EPG5: variants seen among roughly 807,000 people sequenced by gnomAD.
The protein encoded by EPG5 is ectopic P granules protein 5 homolog.
Under a neutral mutation model 302.7 loss-of-function variants are expected in EPG5, and 159 were observed. The ratio of observed to expected loss-of-function variants is 0.53; its 90% confidence interval spans 0.46 to 0.60. The LOEUF (loss-of-function observed/expected upper bound fraction) is 0.60, where lower values mean the gene tolerates loss of function less well. EPG5 is among the 20% of genes least tolerant of loss of function. The pLI, the probability that EPG5 is intolerant of heterozygous loss-of-function variation, is 0.00. For synonymous variants in EPG5, 1,158 were observed against 1,136.8 expected, an observed-to-expected ratio of 1.02 and a Z score of -0.37; for missense variants, 2,896 against 3,092.4, an observed-to-expected ratio of 0.94 and a Z score of 1.51.
intron 1 of EPG5, among the ~76,000 whole-genome samples, chr18:45,961,656 T>A (rs1329839139): frequency 2.0e-5 from 3 of 151,888 alleles, no homozygotes; most frequent in Non-Finnish European, 4.4e-5. Flanking sequence ...AGGTCAGGAG[T>A]TCGAGACCAG....
intron 22 of EPG5, among the ~76,000 whole-genome samples, chr18:45,911,064 T>TATCG (rs1341593976): frequency 6.9e-6 from 1 of 145,152 alleles, no homozygotes. Context: ...TCTATCTATC[T>TATCG]ATCTATCTAT....
At chr18:45,902,298 T>C (rs1447345534) in intron 25 of EPG5, among the ~76,000 whole-genome samples, 2 of 152,202 alleles carry the variant, frequency 1.3e-5, no homozygotes, top group East Asian at 1.9e-4. Context: ...TTAGTGTTTT[T>C]CCACTAGAAC....
the EPG5 span, among the ~76,000 whole-genome samples, chr18:45,824,906 G>A: frequency 6.6e-6 from 1 of 151,964 alleles, no homozygotes; most frequent in Non-Finnish European, 1.5e-5. Context: ...GGGACTCGCA[G>A]CTGATTGGAC....
chr18:45,845,273 T>C (rs796900523), downstream of EPG5, among the ~76,000 whole-genome samples: 56 of 152,328 alleles, frequency 3.7e-4, no homozygotes, highest in African/African-American at 1.3e-3. Flanking sequence ...CAGAGAGACA[T>C]GCCTCTGTTG....
At chr18:45,943,452 CA>C (rs1432474700) in intron 8 of EPG5, 141 bp from the exon 9 acceptor site, 5 of 690,108 alleles carry the variant, frequency 7.2e-6, no homozygotes, top group Non-Finnish European at 7.2e-6. Flanking sequence ...GCTCCCATAT[CA>C]ACATGAAATG....
intron 32 of EPG5, among the ~76,000 whole-genome samples, chr18:45,879,524 T>G (rs1043518903): frequency 6.6e-6 from 1 of 152,112 alleles, no homozygotes; most frequent in Non-Finnish European, 1.5e-5. Context: ...TGCACCACCA[T>G]GCCCAGCTCA....
chr18:45,955,415 A>C (rs2051005964), intron 1 of EPG5, 77 bp from the exon 2 acceptor site: 1 of 1,047,566 alleles, frequency 9.5e-7, no homozygotes, highest in Admixed American at 3.2e-5. Flanking sequence ...TTAAAGTTGC[A>C]CATAAAATCT....
chr18:45,835,916 G>C, the EPG5 span, among the ~76,000 whole-genome samples: 1 of 152,220 alleles, frequency 6.6e-6, no homozygotes, highest in African/African-American at 2.4e-5. Context: ...CCAGAAAAGA[G>C]AAGGCTCAAT....
At position 45,939,771 on chromosome 18, in the gene EPG5, G is replaced by T; in HGVS notation, c.1944-16C>A. The T allele has an allele frequency of 6.2e-7, 1 of 1,610,312 alleles. No homozygotes were observed. The highest frequency in any genetic ancestry group is 8.5e-7 in the Non-Finnish European group (1 of 1,178,280). ...AAGAGTCATCCTGAGCATGAGGAAA[G>T]ATAATACAGTACTTTTCATTAGCTC... On this transcript the variant is annotated splice_polypyrimidine_tract_variant and intron_variant, in intron 9 of 43. Coordinates refer to ENST00000282041, the MANE Select transcript of EPG5 (RefSeq NM_020964.3).
chr18:45,932,898 C>A (rs1448103143), intron 11 of EPG5, among the ~76,000 whole-genome samples: 3 of 152,128 alleles, frequency 2.0e-5, no homozygotes, highest in Non-Finnish European at 4.4e-5. Context: ...GCTGGTACTG[C>A]CACTTCAGGG....
chr18:45,924,605 A>C (rs1176467334), intron 14 of EPG5, among the ~76,000 whole-genome samples: 1 of 152,250 alleles, frequency 6.6e-6, no homozygotes, highest in Non-Finnish European at 1.5e-5. Context: ...GCCTATGGTA[A>C]AGAGGCAGAG....
chr18:45,959,280 G>T (rs1257777409), intron 1 of EPG5, among the ~76,000 whole-genome samples: 1 of 151,956 alleles, frequency 6.6e-6, no homozygotes, highest in African/African-American at 2.4e-5. Context: ...GGCGGAGGTT[G>T]CAGTGAGCCG....
chr18:45,911,122 T>TAC (rs1568146143), intron 22 of EPG5, among the ~76,000 whole-genome samples: 119 of 150,720 alleles, frequency 7.9e-4, no homozygotes, highest in African/African-American at 2.8e-3. Context: ...TATATATATA[T>TAC]ATATACATTT....
At chr18:45,930,565 G>T in intron 12 of EPG5, 111 bp downstream of exon 12, 1 of 799,438 alleles carries the variant, frequency 1.3e-6, no homozygotes, top group Non-Finnish European at 1.9e-6. Context: ...CTGAAGTGTA[G>T]ACAGTAGCTA....
rs1170098407 is a variant in EPG5 at position 45,867,001 on chromosome 18, G to A, written c.6418C>T (p.Pro2140Ser). ...EVQLVDQTDS[P>S]LLSLLGQTSS... ...GTCTGTCCAAGGAGACTAAGTAAAG[G>A]TGAATCCTAAAAATAAAACACATAT... Residue 2140 changes from proline (P) to serine (S), a missense_variant, in exon 38 of 44, where the codon CCT becomes TCT. This residue lies in a region of EPG5 where 620 missense variants were observed against 704.2 expected (regional missense o/e 0.88). Transcript: ENST00000282041. The A allele has an allele frequency of 6.2e-7, 1 of 1,613,308 alleles. No homozygotes were observed. Among genetic ancestry groups the A allele is most frequent in the Non-Finnish European group, 8.5e-7 (1 of 1,179,364 alleles).
At chr18:45,805,371 T>C in the EPG5 span, among the ~76,000 whole-genome samples, 2 of 151,018 alleles carry the variant, frequency 1.3e-5, no homozygotes, top group South Asian at 4.2e-4. Flanking sequence ...CTCTGTACTA[T>C]TTTTGCAACT....
In EPG5 at chr18:45,952,563, C is replaced by A. The variant is rs2050935652; in HGVS notation, c.1089G>T (p.Glu363Asp). Residue 363 changes from glutamate (E) to aspartate (D), a missense_variant, in exon 3 of 44, where the codon GAG becomes GAT. By Grantham distance (45) the Glu-to-Asp change is conservative. This residue lies in a region of EPG5 where 1,390 missense variants were observed against 1,430.0 expected (regional missense o/e 0.97). Transcript: ENST00000282041. ...ATTTGGCATCGAATAGCTTCTTTAGCTCCACCAGTGCATTTTCATTCATTT... is the reference window on the plus strand; with the variant it reads ...ATTTGGCATCGAATAGCTTCTTTAGATCCACCAGTGCATTTTCATTCATTT... ...RVEMNENALV[E>D]LKKLFDAKSE... is the part of the protein sequence containing the mutation. The A allele has an allele frequency of 6.2e-7, 1 of 1,614,050 alleles. No individual in the cohort carries two copies. Among genetic ancestry groups the A allele is most frequent in the African/African-American group, 1.3e-5 (1 of 74,928 alleles).
chr18:45,850,405 GTCT>G lies in EPG5; in HGVS notation c.*2059_*2061del, dbSNP rs2048409992. On this transcript the variant is annotated 3_prime_UTR_variant, in exon 44 of 44. Transcript: ENST00000282041. The stretch of plus-strand genomic sequence containing the variant: ...ATGGCCATGTCTGAACTAGCTCAGT[GTCT>G]TTATAGCACGTTCCTAGCCCAGAGT... The G allele has an allele frequency of 6.6e-6, 1 of 152,236 alleles. No individual in the cohort carries two copies. Among genetic ancestry groups the G allele is most frequent in the Admixed American group, 6.5e-5 (1 of 15,284 alleles). The allele number at this position is 152,236 out of a possible 1,614,324, so 9.4% of individuals were successfully genotyped here.
intron 1 of EPG5, among the ~76,000 whole-genome samples, chr18:45,961,525 C>G (rs2051149397): frequency 6.6e-6 from 1 of 152,202 alleles, no homozygotes; most frequent in Non-Finnish European, 1.5e-5. Flanking sequence ...ATAGTGAACT[C>G]TCTCTTCCCT....
Sources: allele counts gnomAD v4.1 joint callset (sites outside exome capture counted in the v4.1 genomes callset), GRCh38; gene constraint gnomAD v4.1.1; regional missense constraint gnomAD v4.1.1; transcripts MANE v1.5; gene names NCBI Gene and HGNC (gene_info 2026-07-23, HGNC 2026-07-21).